HPCAL1: variants seen among roughly 807,000 people sequenced by gnomAD.
HPCAL1 encodes hippocalcin like 1.
A neutral mutation model predicts 17.1 loss-of-function variants in HPCAL1; 8 were observed. The ratio of observed to expected loss-of-function variants is 0.47; its 90% CI spans 0.27 to 0.84. The LOEUF is 0.84. Among genes scored for constraint, HPCAL1 ranks in the 40% least tolerant of loss-of-function variants. The probability of loss-of-function intolerance (pLI) is 0.13; values close to 1 mark genes in which losing one functional copy is unlikely to be tolerated. For synonymous variants in HPCAL1, 112 were observed against 111.4 expected, an observed-to-expected ratio of 1.01 and a Z score of -0.03; for missense variants, 165 against 271.1, an observed-to-expected ratio of 0.61 and a Z score of 2.75.
At chr2:10,402,190 G>A (rs1256280049) in intron 2 of HPCAL1, among the ~76,000 whole-genome samples, 3 of 152,208 alleles carry the variant, frequency 2.0e-5, no homozygotes, top group African/African-American at 7.2e-5. Flanking sequence ...ATGAGTCACC[G>A]CACCCGGCCA....
chr2:10,391,536 T>C (rs1668695388), intron 1 of HPCAL1, among the ~76,000 whole-genome samples: 1 of 152,206 alleles, frequency 6.6e-6, no homozygotes, highest in South Asian at 2.1e-4. Context: ...CACTTGTATG[T>C]GCAATTATCA....
At chr2:10,425,459 A>C (rs1671345649) in intron 4 of HPCAL1, 1 of 152,364 alleles carries the variant, frequency 6.6e-6, no homozygotes, top group South Asian at 2.1e-4. Flanking sequence ...CCTGGGCCAG[A>C]GTCCCATGAG....
At chr2:10,402,045 G>A (rs894687760) in intron 2 of HPCAL1, among the ~76,000 whole-genome samples, 3 of 152,080 alleles carry the variant, frequency 2.0e-5, no homozygotes, top group Admixed American at 6.5e-5. Context: ...GATTACAGGC[G>A]CGCACCACCA....
chr2:10,346,320 C>T (rs1188363162), intron 1 of HPCAL1, among the ~76,000 whole-genome samples: 1 of 152,156 alleles, frequency 6.6e-6, no homozygotes, highest in African/African-American at 2.4e-5. Context: ...GAGAAGCCCT[C>T]ATGCCAGAAT....
chr2:10,322,364 G>T (rs1286766394), intron 1 of HPCAL1, among the ~76,000 whole-genome samples: 1 of 152,198 alleles, frequency 6.6e-6, no homozygotes, highest in African/African-American at 2.4e-5. Context: ...TCATGAGAAG[G>T]TGACATCTGA....
chr2:10,378,988 CT>C (rs1056718908), intron 1 of HPCAL1, among the ~76,000 whole-genome samples: 2 of 152,120 alleles, frequency 1.3e-5, no homozygotes, highest in Non-Finnish European at 2.9e-5. Context: ...TCAGGTCCCG[CT>C]TTTTCTTTCC....
chr2:10,402,874 C>A (rs1669712257), intron 2 of HPCAL1, among the ~76,000 whole-genome samples: 1 of 152,186 alleles, frequency 6.6e-6, no homozygotes, highest in South Asian at 2.1e-4. Context: ...GCCATGCAGC[C>A]TGCGCAAAAC....
chr2:10,318,403 G>C (rs2125397708), intron 1 of HPCAL1, among the ~76,000 whole-genome samples: 1 of 152,066 alleles, frequency 6.6e-6, no homozygotes, highest in South Asian at 2.1e-4. Context: ...CCCTTCTTTG[G>C]GTTTGTGTTC....
Position 10,423,020 on chromosome 2 carries a change from C to T in HPCAL1, c.416C>T (p.Pro139Leu), listed in dbSNP as rs763506812. The T allele has an allele frequency of 3.7e-6, 6 of 1,613,454 alleles. No homozygotes were observed. The highest frequency in any genetic ancestry group is 3.3e-5 in the Admixed American group (2 of 60,010). ...YKMVSSVMKM[P>L]EDESTPEKRT... ...ATGGTGTCGTCTGTGATGAAGATGC[C>T]GGAGGATGAGTCCACCCCGGAGAAG... The change falls in exon 4 of 5, where the codon CCG becomes CTG. Residue 139 changes from proline to leucine, a missense_variant. Coordinates refer to ENST00000307845, the MANE Select transcript of HPCAL1 (RefSeq NM_002149.4).
At chr2:10,318,793 A>G (rs1443408392) in intron 1 of HPCAL1, among the ~76,000 whole-genome samples, 1 of 152,194 alleles carries the variant, frequency 6.6e-6, no homozygotes, top group Admixed American at 6.5e-5. Context: ...TGTAATGGGT[A>G]GTGAACAGGC....
At chr2:10,374,850 C>T (rs1240754321) in intron 1 of HPCAL1, among the ~76,000 whole-genome samples, 1 of 152,232 alleles carries the variant, frequency 6.6e-6, no homozygotes. Flanking sequence ...GTTGCTGTGT[C>T]CTCCACCAGA....
intron 2 of HPCAL1, among the ~76,000 whole-genome samples, chr2:10,402,056 C>T (rs1025006865): frequency 5.3e-5 from 8 of 152,268 alleles, no homozygotes; most frequent in East Asian, 1.9e-4. Flanking sequence ...CGCACCACCA[C>T]GCCCGGCTAA....
At chr2:10,332,451 C>A (rs4669571) in intron 1 of HPCAL1, among the ~76,000 whole-genome samples, 26,988 of 152,076 alleles carry the variant, frequency 0.18, 2,672 homozygotes, top group Non-Finnish European at 0.23. Context: ...GTGCCCCCTG[C>A]CCCTTATCTA....
intron 2 of HPCAL1, among the ~76,000 whole-genome samples, chr2:10,398,619 G>A (rs1462283851): frequency 6.6e-6 from 1 of 152,116 alleles, no homozygotes; most frequent in East Asian, 1.9e-4. Flanking sequence ...TTCCCGCTGG[G>A]CACCAACGCA....
intron 4 of HPCAL1, 53 bp downstream of exon 4, chr2:10,423,141 C>T (rs1207359112): frequency 7.2e-7 from 1 of 1,385,036 alleles, no homozygotes; most frequent in Non-Finnish European, 1.0e-6. Context: ...AGGGGCAAAA[C>T]CATGTGGTTT....
chr2:10,346,371 G>A (rs944690920), intron 1 of HPCAL1, among the ~76,000 whole-genome samples: 1 of 152,204 alleles, frequency 6.6e-6, no homozygotes, highest in Non-Finnish European at 1.5e-5. Flanking sequence ...CACAGCCCAC[G>A]TGCCTCATTC....
chr2:10,389,855 A>G (rs892395389), intron 1 of HPCAL1, among the ~76,000 whole-genome samples: 13 of 152,196 alleles, frequency 8.5e-5, no homozygotes, highest in Admixed American at 7.9e-4. Context: ...GTTCCTGCAC[A>G]TGCTTTGTCT....
At chr2:10,337,239 G>A (rs543959582) in intron 1 of HPCAL1, among the ~76,000 whole-genome samples, 5 of 152,268 alleles carry the variant, frequency 3.3e-5, no homozygotes, top group South Asian at 2.1e-4. Context: ...CACTCACCAC[G>A]TGCTGTGATG....
intron 2 of HPCAL1, among the ~76,000 whole-genome samples, chr2:10,413,142 C>G (rs557166815): frequency 6.6e-6 from 1 of 152,186 alleles, no homozygotes; most frequent in Non-Finnish European, 1.5e-5. Flanking sequence ...GGTTGCTGCT[C>G]TGGTCTGTGC....
Sources: allele counts gnomAD v4.1 joint callset (sites outside exome capture counted in the v4.1 genomes callset), GRCh38; gene constraint gnomAD v4.1.1; transcripts MANE v1.5; gene names NCBI Gene and HGNC (gene_info 2026-07-23, HGNC 2026-07-21).